The following ZBTB25 variants were observed in gnomAD, a reference collection of about 807,000 sequenced individuals.
The protein encoded by ZBTB25 is zinc finger and BTB domain containing 25, also known as zinc finger and BTB domain-containing protein 25.
Under a neutral mutation model 34.2 loss-of-function variants are expected in ZBTB25, and 20 were observed. That is an observed-to-expected ratio of 0.58 (90% confidence interval 0.41 to 0.85). ZBTB25 has a LOEUF of 0.85. ZBTB25 is among the 40% of genes least tolerant of loss of function. The probability of loss-of-function intolerance (pLI) is 0.00; values close to 1 mark genes in which losing one functional copy is unlikely to be tolerated. For synonymous variants in ZBTB25, 175 were observed against 186.4 expected, an observed-to-expected ratio of 0.94 and a Z score of 0.50; for missense variants, 437 against 521.8, an observed-to-expected ratio of 0.84 and a Z score of 1.58.
At chr14:64,449,590 C>A (rs763332929) in exon 3 of ZBTB25, 2 of 1,614,066 alleles carry the variant, frequency 1.2e-6, no homozygotes, top group Non-Finnish European at 1.7e-6. Flanking sequence ...AGCACAAGCA[C>A]CCAGCAGCTT....
chr14:64,496,121 G>T (rs997720373), intron 1 of ZBTB25, among the ~76,000 whole-genome samples: 1 of 152,160 alleles, frequency 6.6e-6, no homozygotes, highest in African/African-American at 2.4e-5. Context: ...AGGCAGAGCA[G>T]CCCTACTCAA....
upstream of ZBTB25, chr14:64,504,887 C>G (rs142434580): frequency 6.4e-3 from 2,529 of 396,626 alleles, 13 homozygotes; most frequent in Non-Finnish European, 9.3e-3. Flanking sequence ...CCGCCTTTCC[C>G]GCGGCTGATT....
exon 3 of ZBTB25, chr14:64,449,494 C>A: frequency 6.2e-7 from 1 of 1,614,132 alleles, no homozygotes; most frequent in Non-Finnish European, 8.5e-7. Flanking sequence ...TTCCAGAGAA[C>A]ATGGGGCTTT....
At chr14:64,449,366 G>A (rs2078335040) in exon 3 of ZBTB25, 1 of 1,520,064 alleles carries the variant, frequency 6.6e-7, no homozygotes, top group African/African-American at 1.4e-5. Flanking sequence ...TAATTCACAT[G>A]AGGTTTAATG....
chr14:64,493,477 T>C (rs1447457926), intron 1 of ZBTB25, among the ~76,000 whole-genome samples: 1 of 152,188 alleles, frequency 6.6e-6, no homozygotes, highest in Non-Finnish European at 1.5e-5. Flanking sequence ...ATTATCATCA[T>C]CACCATCATT....
intron 2 of ZBTB25, among the ~76,000 whole-genome samples, chr14:64,465,896 T>C (rs1288851263): frequency 6.6e-6 from 1 of 152,166 alleles, no homozygotes; most frequent in African/African-American, 2.4e-5. Flanking sequence ...AGAAATGTGA[T>C]TTTGGGTTTC....
chr14:64,465,791 C>G (rs552818336), intron 2 of ZBTB25, among the ~76,000 whole-genome samples: 1 of 152,176 alleles, frequency 6.6e-6, no homozygotes, highest in Non-Finnish European at 1.5e-5. Context: ...GCCAGGGCGA[C>G]CCTCATCAGG....
chr14:64,503,639 G>A, intron 1 of ZBTB25, 22 bp downstream of exon 1: 1 of 984,320 alleles, frequency 1.0e-6, no homozygotes, highest in Non-Finnish European at 1.2e-6. Context: ...GCAGCCCACA[G>A]GGGCAGGACC....
chr14:64,505,181 C>T (rs958716522), upstream of ZBTB25: 31 of 328,404 alleles, frequency 9.4e-5, no homozygotes, highest in African/African-American at 5.9e-4. Context: ...GAAGCCCCTA[C>T]GGAGACTAGT....
chr14:64,463,516 C>G (rs952911140), intron 2 of ZBTB25: 1 of 151,768 alleles, frequency 6.6e-6, no homozygotes, highest in African/African-American at 2.4e-5. Context: ...GAAGGCCAGG[C>G]ATGGGGGCTC....
chr14:64,462,175 G>A (rs946431703), intron 2 of ZBTB25: 1 of 152,210 alleles, frequency 6.6e-6, no homozygotes, highest in Non-Finnish European at 1.5e-5. Flanking sequence ...TCACTGTCTT[G>A]TCCAGGCTGC....
At position 64,487,499 on chromosome 14, in the gene ZBTB25, C is replaced by A. The variant is rs538658622; in HGVS notation, c.732G>T (p.Gly244=). The change falls in exon 3 of 3, where the codon GGG becomes GGT. Residue 244 remains glycine, a synonymous_variant. Transcript: ENST00000608382. ...GGTTACTACGGGAATCAAAACGTTC[C>A]CCACAGTAATGGCATAAGTGTATTT... is the stretch of plus-strand genomic sequence containing the variant. The part of the protein sequence containing the change: ...SVKIHLCHYC[G]ERFDSRSNLR... The A allele has an allele frequency of 5.6e-6, 9 of 1,614,086 alleles. No homozygotes were observed. The highest frequency in any genetic ancestry group is 4.4e-5 in the South Asian group (4 of 91,084).
rs2078800258 is a variant in ZBTB25, at chr14:64,481,968, T to C, written c.*4955A>G. ...CTACAAAAAATGGACATTTATCAAG[T>C]ATCTGACTCACAACATCAAGAATGT... On this transcript the variant is annotated 3_prime_UTR_variant, in exon 3 of 3. Transcript: ENST00000608382. 6.6e-6 allele frequency: 1 copy of C among 152,254 alleles called. No individual in the cohort carries two copies. Among genetic ancestry groups the C allele is most frequent in the African/African-American group, 2.4e-5 (1 of 41,468 alleles). 9.4% of individuals were successfully genotyped at this position (152,254 alleles called of 1,614,324 possible). A position where few individuals can be genotyped will look rare whatever the true frequency, so the allele number is the denominator to read the frequency against.
chr14:64,484,992 T>C lies in ZBTB25; in HGVS notation c.*1931A>G. Reference sequence around the variant, plus strand: ...TAATTACTCCCAATACAATTGATCTTATCAAGTTAGATGTGCTCTCAACAC... The same window carrying C: ...TAATTACTCCCAATACAATTGATCTCATCAAGTTAGATGTGCTCTCAACAC... On this transcript the variant is annotated 3_prime_UTR_variant, in exon 3 of 3. Transcript: ENST00000608382. The C allele has an allele frequency of 2.0e-6, 2 of 985,080 alleles. No individual in the cohort carries two copies. Among genetic ancestry groups the C allele is most frequent in the Middle Eastern group, 5.2e-4 (1 of 1,912 alleles). The allele number at this position is 985,080 out of a possible 1,614,324, so 61.0% of individuals were successfully genotyped here. A position where few individuals can be genotyped will look rare whatever the true frequency, so the allele number is the denominator to read the frequency against.
At position 64,483,926 on chromosome 14, in the gene ZBTB25, C is replaced by T. The variant is rs1337613674; in HGVS notation, c.*2997G>A. The T allele has an allele frequency of 8.8e-6, 1 of 113,852 alleles. No individual in the cohort carries two copies. Among genetic ancestry groups the T allele is most frequent in the Non-Finnish European group, 1.6e-5 (1 of 61,302 alleles). The allele number at this position is 113,852 out of a possible 1,614,324, so 7.1% of individuals were successfully genotyped here. A position where few individuals can be genotyped will look rare whatever the true frequency, so the allele number is the denominator to read the frequency against. On this transcript the variant is annotated 3_prime_UTR_variant, in exon 3 of 3. Transcript: ENST00000608382. ...ACCACTGCACTCCAGCCTGGCGACACAGCACGACTGTCTCAAAAAAAAAAA... is the reference window on the plus strand; with the variant it reads ...ACCACTGCACTCCAGCCTGGCGACATAGCACGACTGTCTCAAAAAAAAAAA...
chr14:64,467,773 T>C (rs1212346026), intron 2 of ZBTB25: 2 of 152,158 alleles, frequency 1.3e-5, no homozygotes, highest in Non-Finnish European at 2.9e-5. Context: ...TTGAGTGTGA[T>C]AAAGATTACA....
Position 64,485,339 on chromosome 14 carries a change from T to G in ZBTB25, c.*1584A>C. 4 of 985,422 alleles carry G rather than the reference T, an allele frequency of 4.1e-6. No individual in the cohort carries two copies. Among genetic ancestry groups the G allele is most frequent in the Non-Finnish European group, 4.8e-6 (4 of 829,906 alleles). The allele number at this position is 985,422 out of a possible 1,614,324, so 61.0% of individuals were successfully genotyped here. A position where few individuals can be genotyped will look rare whatever the true frequency, so the allele number is the denominator to read the frequency against. The stretch of plus-strand genomic sequence containing the variant: ...TTTTTTAGATGTATTCAAATGCCCG[T>G]GAAGCTTAGAATTTAACAAGAGGGC... On this transcript the variant is annotated 3_prime_UTR_variant, in exon 3 of 3. Transcript: ENST00000608382.
intron 2 of ZBTB25, chr14:64,461,035 A>G (rs535946194): frequency 6.6e-6 from 1 of 151,980 alleles, no homozygotes; most frequent in South Asian, 2.1e-4. Flanking sequence ...AAAAAAATAA[A>G]TCAAATATTT....
chr14:64,503,696 T>C lies in ZBTB25; in HGVS notation c.-43A>G, dbSNP rs949362182. 5 of 787,202 alleles carry C rather than the reference T, an allele frequency of 6.4e-6. No homozygotes were observed. The highest frequency in any genetic ancestry group is 5.6e-5 in the African/African-American group (3 of 53,206). 48.8% of individuals were successfully genotyped at this position (787,202 alleles called of 1,614,324 possible). On this transcript the variant is annotated 5_prime_UTR_variant, in exon 1 of 3. Coordinates refer to ENST00000608382, the MANE Select transcript of ZBTB25 (RefSeq NM_006977.5). Reference sequence around the variant, plus strand: ...CCGCGGCGGCAGGCCGACTCCTCCGTGCAGGAGGGGCGGGCTCCCAAGCCG... The same window carrying C: ...CCGCGGCGGCAGGCCGACTCCTCCGCGCAGGAGGGGCGGGCTCCCAAGCCG...
Sources: allele counts gnomAD v4.1 joint callset (sites outside exome capture counted in the v4.1 genomes callset), GRCh38; gene constraint gnomAD v4.1.1; transcripts MANE v1.5; gene names NCBI Gene and HGNC (gene_info 2026-07-23, HGNC 2026-07-21).